Variants in NLRC5 observed in about 807,000 individuals in gnomAD.
The protein encoded by NLRC5 is protein NLRC5.
Under a neutral mutation model 206.9 loss-of-function variants are expected in NLRC5, and 114 were observed. The ratio of observed to expected loss-of-function variants is 0.55; its 90% CI spans 0.47 to 0.64. NLRC5 has a LOEUF of 0.64. Ranked by LOEUF, NLRC5 falls within the 30% of genes least tolerant of loss-of-function variation. The probability of loss-of-function intolerance (pLI) is 0.00; values close to 1 mark genes in which losing one functional copy is unlikely to be tolerated. For missense variants in NLRC5, 2,008 were observed against 2,305.5 expected (o/e 0.87, Z 2.64); for synonymous variants, 952 against 962.8 (o/e 0.99, Z 0.21).
At chr16:57,046,275 G>A (rs1240292146) in intron 21 of NLRC5, among the ~76,000 whole-genome samples, 2 of 152,204 alleles carry the variant, frequency 1.3e-5, no homozygotes, top group Non-Finnish European at 2.9e-5. Context: ...CCTCCTGCCT[G>A]CTCACCTGGA....
chr16:57,026,626 C>G lies in NLRC5; in HGVS notation c.1683C>G (p.Leu561=). The part of the protein sequence containing the change: ...TKARLGLSDH[L]PTFLAGLASC... ...CTAGACTGGGCCTCTCAGACCACCT[C>G]CCCACCTTCCTGGCGGGCCTGGCAT... The change falls in exon 6 of 49, where the codon CTC becomes CTG. Residue 561 remains leucine, a synonymous_variant. Coordinates refer to ENST00000688547, the MANE Select transcript of NLRC5 (RefSeq NM_001384950.1). The G allele has an allele frequency of 6.2e-7, 1 of 1,614,226 alleles. No individual in the cohort carries two copies. The highest frequency in any genetic ancestry group is 8.5e-7 in the Non-Finnish European group (1 of 1,180,036).
At position 57,020,695 on chromosome 16, in the gene NLRC5, C is replaced by G. The variant is rs2060585956; in HGVS notation, c.-12-6C>G. On this transcript the variant is annotated splice_region_variant and splice_polypyrimidine_tract_variant and intron_variant, in intron 2 of 48. Coordinates refer to ENST00000688547, the MANE Select transcript of NLRC5 (RefSeq NM_001384950.1). ...CTCAACTCACCTATCTTCCCTGTCC[C>G]TCCAGGGCTGGCTCCTCATGGACCC... 1 of 1,605,590 alleles carries G rather than the reference C, an allele frequency of 6.2e-7. No homozygotes were observed. The highest frequency in any genetic ancestry group is 1.4e-5 in the African/African-American group (1 of 72,230).
intron 23 of NLRC5, among the ~76,000 whole-genome samples, chr16:57,049,858 T>G (rs1465802968): frequency 2.0e-5 from 3 of 151,894 alleles, no homozygotes; most frequent in Admixed American, 6.6e-5. Flanking sequence ...AGTGCAATAG[T>G]GAATATGAAA....
In NLRC5 at chr16:57,020,765, T is replaced by C; in HGVS notation, c.53T>C (p.Val18Ala). 6.2e-7 allele frequency: 1 copy of C among 1,612,522 alleles called. No homozygotes were observed. The highest frequency in any genetic ancestry group is 1.1e-5 in the South Asian group (1 of 90,914). Residue 18 changes from valine (V) to alanine (A), a missense_variant, in exon 3 of 49, where the codon GTG (valine) becomes GCG (alanine). By Grantham distance (64) the Val-to-Ala change is moderately conservative. Coordinates refer to ENST00000688547, the MANE Select transcript of NLRC5 (RefSeq NM_001384950.1). ...LGNKNLWSCL[V>A]RLLTKDPEWL... ...AACAAGAACCTGTGGAGCTGTCTTGTGAGGCTGCTCACCAAAGACCCAGAA... is the reference window on the plus strand; with the variant it reads ...AACAAGAACCTGTGGAGCTGTCTTGCGAGGCTGCTCACCAAAGACCCAGAA...
At chr16:57,037,314 TCCCC>T in intron 15 of NLRC5, 30 bp downstream of exon 15, 2 of 1,522,616 alleles carry the variant, frequency 1.3e-6, no homozygotes, top group Non-Finnish European at 1.8e-6. Context: ...ACGGTACCCA[TCCCC>T]CCCCCCATCA....
chr16:57,033,495 T>C, intron 11 of NLRC5, 109 bp from the exon 12 acceptor site: 2 of 985,996 alleles, frequency 2.0e-6, no homozygotes, highest in Non-Finnish European at 3.2e-6. Flanking sequence ...ACCGACTCAC[T>C]TTGGGTTGTG....
At chr16:57,025,142 G>C (rs76691037) in intron 5 of NLRC5, among the ~76,000 whole-genome samples, 6,562 of 152,172 alleles carry the variant, frequency 0.043, 194 homozygotes, top group South Asian at 0.08. Flanking sequence ...ATTCCCACCT[G>C]CCTGTTTAAA....
At position 57,010,896 on chromosome 16, in the gene NLRC5, C is replaced by CTT. The variant is rs66785727; in HGVS notation, c.-127-6172_-127-6171dup. On this transcript the variant is annotated intron_variant, in intron 1 of 48. Coordinates refer to ENST00000688547, the MANE Select transcript of NLRC5 (RefSeq NM_001384950.1). ...GTTTTTAATGTAAATGTTCTTGTGG[C>CTT]TTTTTTTAAAAAAAAATCAAAATGT... is the stretch of plus-strand genomic sequence containing the variant. Among the ~76,000 whole-genome samples, 8 of 145,130 alleles carry CTT rather than the reference C, an allele frequency of 5.5e-5. No individual in the cohort carries two copies. In the South Asian group the frequency reaches 1.2e-3, roughly 21 times the overall value.
intron 34 of NLRC5, 145 bp from the exon 35 acceptor site, chr16:57,067,242 C>G (rs1335778483): frequency 3.2e-5 from 23 of 712,228 alleles, no homozygotes; most frequent in Non-Finnish European, 5.3e-5. Flanking sequence ...CTTCCTAGCA[C>G]TTCTCATAAG....
At chr16:57,006,450 A>C in intron 1 of NLRC5, among the ~76,000 whole-genome samples, 1 of 85,774 alleles carries the variant, frequency 1.2e-5, no homozygotes, top group Non-Finnish European at 2.2e-5. Flanking sequence ...ACAGGGTTTC[A>C]CTCTGTCGCC....
intron 4 of NLRC5, among the ~76,000 whole-genome samples, chr16:57,023,074 C>T (rs1171270458): frequency 1.3e-5 from 2 of 152,208 alleles, no homozygotes; most frequent in Non-Finnish European, 2.9e-5. Context: ...GTTCCAGCCT[C>T]CTAGCTGGAC....
At chr16:57,049,033 C>T (rs1489283670) in intron 23 of NLRC5, among the ~76,000 whole-genome samples, 1 of 151,966 alleles carries the variant, frequency 6.6e-6, no homozygotes, top group Non-Finnish European at 1.5e-5. Flanking sequence ...CTTCCCTGGG[C>T]CACATTGGAA....
intron 17 of NLRC5, among the ~76,000 whole-genome samples, 186 bp downstream of exon 17, chr16:57,040,904 G>T (rs1298383663): frequency 6.6e-6 from 1 of 152,060 alleles, no homozygotes; most frequent in Non-Finnish European, 1.5e-5. Context: ...CCCAGACAGG[G>T]CTCACAAGGC....
chr16:57,048,782 C>T (rs1307745230), intron 23 of NLRC5, among the ~76,000 whole-genome samples: 4 of 152,184 alleles, frequency 2.6e-5, no homozygotes, highest in Admixed American at 6.6e-5. Flanking sequence ...GATCCACCTT[C>T]CTCAGCCTCC....
intron 23 of NLRC5, among the ~76,000 whole-genome samples, chr16:57,048,804 G>A (rs1012403557): frequency 1.3e-5 from 2 of 152,298 alleles, no homozygotes; most frequent in South Asian, 4.1e-4. Context: ...AAAGTGTTGG[G>A]ATTACAGGCT....
intron 41 of NLRC5, 34 bp from the exon 42 acceptor site, chr16:57,077,685 A>C (rs1386403754): frequency 2.6e-6 from 4 of 1,533,792 alleles, no homozygotes; most frequent in Non-Finnish European, 3.5e-6. Flanking sequence ...GAGAGGGGGC[A>C]TCAGAGGACC....
At chr16:57,042,202 TTCTCGGTGAAG>T (rs2063369612) in intron 19 of NLRC5, 137 bp downstream of exon 19, 1 of 501,786 alleles carries the variant, frequency 2.0e-6, no homozygotes, top group Admixed American at 4.1e-5. Context: ...ACAATGTAAG[TTCTCGGTGAAG>T]GCTAGCTAAT....
intron 8 of NLRC5, among the ~76,000 whole-genome samples, chr16:57,029,005 C>G (rs878980988): frequency 6.6e-6 from 1 of 152,126 alleles, no homozygotes; most frequent in South Asian, 2.1e-4. Context: ...TTATATGGCA[C>G]CTTTATGACA....
In NLRC5 at chr16:57,061,496, C is replaced by T. The variant is rs144115724; in HGVS notation, c.4035C>T (p.Thr1345=). 470 of 1,610,872 alleles carry T rather than the reference C, an allele frequency of 2.9e-4. 3 individuals carry two copies. Among genetic ancestry groups the T allele is most frequent in the African/African-American group, 7.5e-4 (56 of 75,054 alleles). Residue 1345 remains threonine, a synonymous_variant, in exon 31 of 49, where the codon ACC becomes ACT. Coordinates refer to ENST00000688547, the MANE Select transcript of NLRC5 (RefSeq NM_001384950.1). The part of the protein sequence containing the change: ...FRPEHVSRLA[T]GLSKSLQLTE... ...CAGAGCACGTGTCCAGGCTGGCCAC[C>T]GGCTTGAGCAAGTCCCTGCAGCTGA...
Sources: allele counts gnomAD v4.1 joint callset (sites outside exome capture counted in the v4.1 genomes callset), GRCh38; gene constraint gnomAD v4.1.1; transcripts MANE v1.5; gene names NCBI Gene and HGNC (gene_info 2026-07-23, HGNC 2026-07-21).